The following CHRM3 variants were observed in gnomAD, a reference collection of about 807,000 sequenced individuals.
CHRM3 encodes the protein muscarinic acetylcholine receptor M3.
CHRM3 carries 11 observed loss-of-function variants against 41.8 expected under a neutral mutation model. That is an observed-to-expected ratio of 0.26 (90% CI 0.17 to 0.44). The LOEUF is 0.44. CHRM3 is among the 20% of genes least tolerant of loss of function. The pLI, the probability that CHRM3 is intolerant of heterozygous loss-of-function variation, is 1.00. For synonymous variants in CHRM3, 297 were observed against 301.4 expected (o/e 0.99, Z 0.15); for missense variants, 571 against 745.4 (o/e 0.77, Z 2.72).
intron 5 of CHRM3, among the ~76,000 whole-genome samples, chr1:239,687,473 CTT>C (rs1474368928): frequency 6.6e-6 from 1 of 152,138 alleles, no homozygotes; most frequent in African/African-American, 2.4e-5. Context: ...TAATCATTAA[CTT>C]ACTGCATAGT....
chr1:239,490,663 G>C (rs956560093), intron 1 of CHRM3, among the ~76,000 whole-genome samples: 2 of 152,090 alleles, frequency 1.3e-5, no homozygotes, highest in Admixed American at 6.6e-5. Flanking sequence ...CTGGCCTCAA[G>C]CAATCCTTTG....
chr1:239,775,157 C>T lies in CHRM3; in HGVS notation c.-146-52095C>T, dbSNP rs372276621. ...TGGCTAAAAAAAAAAGTTTGTTTTA[C>T]CTCTTTTGGTAAGTTTATTTTAAAA... On this transcript the variant is annotated intron_variant, in intron 5 of 6. Coordinates refer to ENST00000676153, the MANE Select transcript of CHRM3 (RefSeq NM_001375978.1). Among the ~76,000 whole-genome samples the T allele has an allele frequency of 1.8e-4, 28 of 152,062 alleles. No individual in the cohort carries two copies. The East Asian group carries it at 5.0e-3, about 27-fold the overall frequency.
At chr1:239,794,385 TTG>T (rs747682298) in intron 5 of CHRM3, among the ~76,000 whole-genome samples, 3,216 of 130,034 alleles carry the variant, frequency 0.025, 38 homozygotes, top group Non-Finnish European at 0.032. Flanking sequence ...AATTCGTTTG[TTG>T]TTTTTTTTTT....
At chr1:239,403,440 T>C (rs1441009656) in intron 1 of CHRM3, among the ~76,000 whole-genome samples, 1 of 152,190 alleles carries the variant, frequency 6.6e-6, no homozygotes, top group Non-Finnish European at 1.5e-5. Context: ...GTTTATCCAT[T>C]AGTGAACAGT....
intron 1 of CHRM3, among the ~76,000 whole-genome samples, chr1:239,441,506 A>G (rs1249947897): frequency 6.6e-6 from 1 of 152,244 alleles, no homozygotes; most frequent in African/African-American, 2.4e-5. Flanking sequence ...CTGCAAATTT[A>G]GGGTGTAGGA....
At chr1:239,858,183 T>C (rs567720747) in intron 6 of CHRM3, among the ~76,000 whole-genome samples, 8 of 152,290 alleles carry the variant, frequency 5.3e-5, no homozygotes, top group African/African-American at 1.4e-4. Flanking sequence ...TCAATAGCTC[T>C]CCCACGCTGG....
intron 5 of CHRM3, among the ~76,000 whole-genome samples, chr1:239,821,408 C>T (rs892631364): frequency 3.3e-5 from 5 of 152,302 alleles, no homozygotes; most frequent in Admixed American, 6.5e-5. Context: ...ACTTTGACAT[C>T]AATGCTGGTC....
At chr1:239,537,086 C>A (rs915408090) in intron 2 of CHRM3, among the ~76,000 whole-genome samples, 6 of 151,980 alleles carry the variant, frequency 3.9e-5, no homozygotes, top group African/African-American at 1.4e-4. Context: ...TTGCCAATTT[C>A]TCTGCAGTTT....
intron 2 of CHRM3, among the ~76,000 whole-genome samples, chr1:239,519,044 T>A (rs1286692029): frequency 6.6e-6 from 1 of 152,220 alleles, no homozygotes; most frequent in Non-Finnish European, 1.5e-5. Flanking sequence ...TAAAAGTCTC[T>A]ATTTTTTTCA....
At chr1:239,633,095 C>G (rs1670038509) in intron 4 of CHRM3, among the ~76,000 whole-genome samples, 3 of 152,202 alleles carry the variant, frequency 2.0e-5, no homozygotes. Context: ...GCCTCAGCCT[C>G]CCGAGTAGCT....
At chr1:239,476,032 A>G (rs1436393124) in intron 1 of CHRM3, among the ~76,000 whole-genome samples, 2 of 152,036 alleles carry the variant, frequency 1.3e-5, no homozygotes, top group East Asian at 3.9e-4. Context: ...AAAAATGAAC[A>G]TAATTTCTTT....
chr1:239,459,735 T>C (rs149279941), intron 1 of CHRM3, among the ~76,000 whole-genome samples: 1 of 152,306 alleles, frequency 6.6e-6, no homozygotes, highest in African/African-American at 2.4e-5. Context: ...TAGTTTTGTC[T>C]ACCAGTGCCA....
intron 1 of CHRM3, among the ~76,000 whole-genome samples, chr1:239,422,454 T>A (rs766217927): frequency 6.6e-6 from 1 of 152,216 alleles, no homozygotes; most frequent in Non-Finnish European, 1.5e-5. Context: ...AGTTTTATTA[T>A]GTTGAACCTC....
At chr1:239,460,250 A>G (rs1665254207) in intron 1 of CHRM3, among the ~76,000 whole-genome samples, 1 of 152,180 alleles carries the variant, frequency 6.6e-6, no homozygotes, top group South Asian at 2.1e-4. Flanking sequence ...ACCAGAGTGT[A>G]AAGAGTGGAC....
At chr1:239,763,508 T>C (rs1487781345) in intron 5 of CHRM3, among the ~76,000 whole-genome samples, 2 of 152,158 alleles carry the variant, frequency 1.3e-5, no homozygotes, top group Admixed American at 1.3e-4. Context: ...ATCACTTAAA[T>C]ATAGAGCGCT....
At chr1:239,777,582 GT>G (rs1195663470) in intron 5 of CHRM3, among the ~76,000 whole-genome samples, 2 of 152,122 alleles carry the variant, frequency 1.3e-5, no homozygotes. Flanking sequence ...CAGGAACAAA[GT>G]TTCTATTTAA....
At chr1:239,446,167 C>G (rs1405104658) in intron 1 of CHRM3, among the ~76,000 whole-genome samples, 1 of 152,100 alleles carries the variant, frequency 6.6e-6, no homozygotes, top group Non-Finnish European at 1.5e-5. Context: ...GATCTCCTGA[C>G]CTCGTGATCC....
intron 6 of CHRM3, among the ~76,000 whole-genome samples, chr1:239,866,329 A>C (rs958587854): frequency 1.3e-5 from 2 of 151,696 alleles, no homozygotes; most frequent in Non-Finnish European, 2.9e-5. Flanking sequence ...GTGAGCTGAG[A>C]TCGGAGCTTG....
At chr1:239,607,551 T>TA (rs964256689) in intron 3 of CHRM3, among the ~76,000 whole-genome samples, 9 of 151,080 alleles carry the variant, frequency 6.0e-5, no homozygotes, top group Middle Eastern at 3.5e-3. Context: ...GTTTGCAAGT[T>TA]AAAAAAAAAT....
Sources: gnomAD v4.1 joint callset for allele counts (sites outside exome capture counted in the v4.1 genomes callset) on GRCh38, gnomAD v4.1.1 for gene constraint, MANE v1.5 for transcripts, NCBI Gene and HGNC (gene_info 2026-07-23, HGNC 2026-07-21) for gene names.